RPN1: variants seen among roughly 807,000 people sequenced by gnomAD.
RPN1 encodes dolichyl-diphosphooligosaccharide--protein glycosyltransferase subunit 1.
RPN1 carries 12 observed loss-of-function variants against 55.5 expected under a neutral mutation model. The ratio of observed to expected loss-of-function variants is 0.22; its 90% confidence interval spans 0.14 to 0.35. The LOEUF is 0.35. RPN1 is among the 10% of genes least tolerant of loss of function. RPN1 has a pLI of 1.00. For synonymous variants in RPN1, 317 were observed against 305.9 expected, an observed-to-expected ratio of 1.04 and a Z score of -0.38; for missense variants, 679 against 761.3, an observed-to-expected ratio of 0.89 and a Z score of 1.27.
At chr3:128,644,712 A>T (rs781625927) in intron 2 of RPN1, 58 of 653,744 alleles carry the variant, frequency 8.9e-5, no homozygotes, top group Non-Finnish European at 1.5e-4. Context: ...TAATCCCAGC[A>T]CTTTGAGAGG....
At chr3:128,646,554 G>A (rs977519818) in intron 1 of RPN1, among the ~76,000 whole-genome samples, 3 of 151,956 alleles carry the variant, frequency 2.0e-5, no homozygotes, top group Admixed American at 6.6e-5. Context: ...GGGCGTGGTG[G>A]CAGGTGCCTG....
At chr3:128,631,848 AAAC>A in intron 4 of RPN1, 97 bp downstream of exon 4, 1 of 1,326,224 alleles carries the variant, frequency 7.5e-7, no homozygotes, top group Non-Finnish European at 1.1e-6. Flanking sequence ...AGTCAACCCT[AAAC>A]AACTGCCTAA....
chr3:128,621,556 G>A (rs1459626115), intron 9 of RPN1, among the ~76,000 whole-genome samples: 1 of 152,218 alleles, frequency 6.6e-6, no homozygotes, highest in African/African-American at 2.4e-5. Context: ...TGAGGAGAGG[G>A]AATGCCAGGG....
intron 3 of RPN1, among the ~76,000 whole-genome samples, chr3:128,635,235 C>A (rs756235805): frequency 1.9e-4 from 29 of 151,884 alleles, no homozygotes; most frequent in Non-Finnish European, 3.7e-4. Flanking sequence ...GAAGAATAAA[C>A]CTAAAGCTAA....
chr3:128,650,379 C>T (rs1355796523), intron 1 of RPN1, among the ~76,000 whole-genome samples, 161 bp downstream of exon 1: 1 of 152,134 alleles, frequency 6.6e-6, no homozygotes, highest in Non-Finnish European at 1.5e-5. Context: ...CAGGACTCCT[C>T]GCGGGCCCCG....
chr3:128,647,586 G>C (rs77512630), intron 1 of RPN1, among the ~76,000 whole-genome samples: 2 of 151,892 alleles, frequency 1.3e-5, no homozygotes, highest in Non-Finnish European at 2.9e-5. Context: ...TAGCTACTCA[G>C]GGGGCTAGGT....
intron 2 of RPN1, among the ~76,000 whole-genome samples, chr3:128,639,990 G>GAGACAGTA (rs1205325999): frequency 6.6e-6 from 1 of 152,088 alleles, no homozygotes; most frequent in African/African-American, 2.4e-5. Flanking sequence ...TTACCAACAA[G>GAGACAGTA]GTGAAACCCT....
rs1186229975 is a variant in RPN1 at position 128,625,563 on chromosome 3, AGAT to A, written c.1363_1365del (p.Ile455del). On this transcript the variant is annotated inframe_deletion, in exon 8 of 10. Coordinates refer to ENST00000296255, the MANE Select transcript of RPN1 (RefSeq NM_002950.4). ...GTGATGGAGAAGTCCAGCCGAACAT[AGAT>A]GATAACGGTGAAGAACAGGATGTAG... 6.2e-7 allele frequency: 1 copy of A among 1,614,138 alleles called. No homozygotes were observed. The highest frequency in any genetic ancestry group is 1.3e-5 in the African/African-American group (1 of 75,028).
intron 3 of RPN1, among the ~76,000 whole-genome samples, chr3:128,634,421 T>TTG (rs2069662512): frequency 1.3e-5 from 2 of 152,108 alleles, no homozygotes; most frequent in African/African-American, 4.8e-5. Flanking sequence ...CAATACTTTA[T>TTG]ACATAATATG....
rs1266856999 is a variant in RPN1 at position 128,622,305 on chromosome 3, G to A, written c.1500C>T (p.Val500=). 6.2e-7 allele frequency: 1 copy of A among 1,614,210 alleles called. No homozygotes were observed. Among genetic ancestry groups the A allele is most frequent in the Admixed American group, 1.7e-5 (1 of 60,022 alleles). ...TGTCCCGGGATTGCTTGTACCTATT[G>A]ACGGTCTCGTCAAAGTGACGGTAAA... The part of the protein sequence containing the change: ...IGLYRHFDET[V]NRYKQSRDIS... The change falls in exon 9 of 10, where the codon GTC becomes GTT. Residue 500 remains valine, a synonymous_variant. Coordinates refer to ENST00000296255, the MANE Select transcript of RPN1 (RefSeq NM_002950.4).
intron 1 of RPN1, among the ~76,000 whole-genome samples, chr3:128,646,084 A>G (rs995464417): frequency 6.6e-6 from 1 of 151,698 alleles, no homozygotes; most frequent in Non-Finnish European, 1.5e-5. Flanking sequence ...CTCTACTAAA[A>G]AAACAAAAAA....
At chr3:128,631,248 C>T (rs1240553780) in intron 4 of RPN1, among the ~76,000 whole-genome samples, 2 of 151,890 alleles carry the variant, frequency 1.3e-5, no homozygotes, top group Non-Finnish European at 2.9e-5. Flanking sequence ...CCGAAGTGGG[C>T]GGATCACCTG....
At chr3:128,647,600 A>G (rs1419081375) in intron 1 of RPN1, among the ~76,000 whole-genome samples, 1 of 151,030 alleles carries the variant, frequency 6.6e-6, no homozygotes, top group African/African-American at 2.4e-5. Context: ...GCTAGGTGGG[A>G]GGATAGCTTG....
At chr3:128,645,388 T>C (rs2069759098) in intron 1 of RPN1, among the ~76,000 whole-genome samples, 1 of 151,724 alleles carries the variant, frequency 6.6e-6, no homozygotes, top group Admixed American at 6.6e-5. Context: ...GAGAATTGCT[T>C]GAACCCGGGA....
chr3:128,635,688 T>C (rs758610973), intron 3 of RPN1, among the ~76,000 whole-genome samples: 45,204 of 120,562 alleles, frequency 0.37, 7,851 homozygotes, highest in Middle Eastern at 0.4. Context: ...TATCTATAGA[T>C]ATACACACAC....
rs558151112 is a variant in RPN1 at position 128,627,036 on chromosome 3, G to A, written c.1037-204C>T. The A allele has an allele frequency of 3.1e-4, 174 of 563,692 alleles. No individual in the cohort carries two copies. In the East Asian group the frequency reaches 3.4e-3, roughly 11 times the overall value. The allele number at this position is 563,692 out of a possible 1,614,324, so 34.9% of individuals were successfully genotyped here. A position where few individuals can be genotyped will look rare whatever the true frequency, so the allele number is the denominator to read the frequency against. ...AGACAGGGATGGGGGTCAAAACACCGACAGCCACAAGACCTTCACGTTATC... is the reference window on the plus strand; with the variant it reads ...AGACAGGGATGGGGGTCAAAACACCAACAGCCACAAGACCTTCACGTTATC... On this transcript the variant is annotated intron_variant, in intron 5 of 9. Coordinates refer to ENST00000296255, the MANE Select transcript of RPN1 (RefSeq NM_002950.4).
In RPN1 at chr3:128,650,752, A is replaced by G. The variant is rs1402780123; in HGVS notation, c.49T>C (p.Trp17Arg). 4 of 1,550,742 alleles carry G rather than the reference A, an allele frequency of 2.6e-6. No individual in the cohort carries two copies. The highest frequency in any genetic ancestry group is 1.4e-5 in the African/African-American group (1 of 73,320). The change falls in exon 1 of 10, where the codon TGG (tryptophan) becomes CGG (arginine). Residue 17 changes from tryptophan (W) to arginine (R), a missense_variant. This residue lies in a region of RPN1 where 352 missense variants were observed against 352.8 expected (regional missense o/e 1.00). Transcript: ENST00000296255. ...GAGGCGCTGCCCGGCGCCGGGGCCC[A>G]AGTCCCAAGCAACAGGAGCAGAAAC... ...GLFLLLLLGT[W>R]APAPGSASSE... is the part of the protein sequence containing the mutation.
At chr3:128,626,890 A>G (rs1423705294) in intron 5 of RPN1, 58 bp from the exon 6 acceptor site, 4 of 1,480,562 alleles carry the variant, frequency 2.7e-6, no homozygotes, top group South Asian at 2.3e-5. Flanking sequence ...TGGGCAGGAG[A>G]GAAAGAAGTA....
At chr3:128,625,231 C>T (rs2069590074) in intron 8 of RPN1, among the ~76,000 whole-genome samples, 1 of 152,074 alleles carries the variant, frequency 6.6e-6, no homozygotes. Flanking sequence ...CTCCAAGTTC[C>T]ACTGAATAAC....
Sources: allele counts gnomAD v4.1 joint callset (sites outside exome capture counted in the v4.1 genomes callset), GRCh38; gene constraint gnomAD v4.1.1; regional missense constraint gnomAD v4.1.1; transcripts MANE v1.5; gene names NCBI Gene and HGNC (gene_info 2026-07-23, HGNC 2026-07-21).